The following CCNT2 variants were observed in gnomAD, a reference collection of about 807,000 sequenced individuals.
CCNT2 encodes cyclin T2.
A neutral mutation model predicts 70.0 loss-of-function variants in CCNT2; 18 were observed. The ratio of observed to expected loss-of-function variants is 0.26; its 90% CI spans 0.18 to 0.38. The LOEUF (loss-of-function observed/expected upper bound fraction) is 0.38, where lower values mean the gene tolerates loss of function less well. Among genes scored for constraint, CCNT2 ranks in the 10% least tolerant of loss-of-function variants. The probability of loss-of-function intolerance (pLI) is 1.00; values close to 1 mark genes in which losing one functional copy is unlikely to be tolerated. For missense variants in CCNT2, 734 were observed against 890.2 expected (o/e 0.82, Z 2.23); for synonymous variants, 334 against 313.3 (o/e 1.07, Z -0.70).
In CCNT2 at chr2:134,921,542, G is replaced by C. The variant is rs1410430416; in HGVS notation, c.240+1651G>C. 5.3e-5 allele frequency among the ~76,000 whole-genome samples: 8 copies of C among 152,034 alleles called. No homozygotes were observed. The East Asian group carries it at 1.4e-3, about 26-fold the overall frequency. On this transcript the variant is annotated intron_variant, in intron 2 of 8. Coordinates refer to ENST00000264157, the MANE Select transcript of CCNT2 (RefSeq NM_058241.3). ...CTAATTTTTGTATTTTTAGTAGAGAGGGGGTTTCACCATGTTGGCCAGGCC... is the reference window on the plus strand; with the variant it reads ...CTAATTTTTGTATTTTTAGTAGAGACGGGGTTTCACCATGTTGGCCAGGCC...
At chr2:134,920,622 T>C (rs1679829680) in intron 2 of CCNT2, among the ~76,000 whole-genome samples, 1 of 152,240 alleles carries the variant, frequency 6.6e-6, no homozygotes, top group Non-Finnish European at 1.5e-5. Context: ...GTAACACGCA[T>C]ACTGTGTTGT....
intron 2 of CCNT2, among the ~76,000 whole-genome samples, chr2:134,936,020 A>G (rs1294361913): frequency 6.6e-6 from 1 of 152,032 alleles, no homozygotes; most frequent in African/African-American, 2.4e-5. Flanking sequence ...TAGTGAAGGT[A>G]TCTTCACTAT....
chr2:134,942,584 T>C lies in CCNT2; in HGVS notation c.431-28T>C, dbSNP rs373226455. On this transcript the variant is annotated intron_variant, in intron 4 of 8. Transcript: ENST00000264157. The stretch of plus-strand genomic sequence containing the variant: ...AGGCAAGTACTGTAGTGGTAAGAGA[T>C]TGGAAAAAAAAGTGCTTATCATTTC... The C allele has an allele frequency of 3.2e-6, 5 of 1,585,864 alleles. No individual in the cohort carries two copies. The African/African-American group carries it at 4.0e-5, about 13-fold the overall frequency.
chr2:134,953,750 A>T lies in CCNT2; in HGVS notation c.1295A>T (p.Gln432Leu). 6.2e-7 allele frequency: 1 copy of T among 1,614,156 alleles called. No homozygotes were observed. Among genetic ancestry groups the T allele is most frequent in the East Asian group, 2.2e-5 (1 of 44,890 alleles). ...TCCACTACTCCAGGAATAATTCCTC[A>T]GAAAATGTCTTTAGATAAATATAGA... The part of the protein sequence containing the change: ...PISTTPGIIP[Q>L]KMSLDKYREK... Residue 432 changes from glutamine to leucine, a missense_variant, in exon 9 of 9, where the codon CAG (glutamine) becomes CTG (leucine). Physicochemically the swap from Gln to Leu is moderately radical, Grantham distance 113 (BLOSUM62 -2). Coordinates refer to ENST00000264157, the MANE Select transcript of CCNT2 (RefSeq NM_058241.3).
intron 2 of CCNT2, among the ~76,000 whole-genome samples, chr2:134,933,557 A>G (rs900915575): frequency 6.6e-6 from 1 of 152,148 alleles, no homozygotes; most frequent in African/African-American, 2.4e-5. Flanking sequence ...AGGAATAAAA[A>G]AGAGAAGGAG....
intron 7 of CCNT2, among the ~76,000 whole-genome samples, chr2:134,951,872 C>A (rs184849596): frequency 1.3e-5 from 2 of 152,246 alleles, no homozygotes; most frequent in East Asian, 3.9e-4. Flanking sequence ...TTCTAGGATC[C>A]CATGTTCCAT....
At chr2:134,944,419 C>T (rs1056035108) in intron 5 of CCNT2, 36 of 966,656 alleles carry the variant, frequency 3.7e-5, no homozygotes, top group Non-Finnish European at 3.9e-5. Flanking sequence ...TTTCAGGTTA[C>T]TGTTGTGAAA....
chr2:134,919,928 T>A (rs770463519), intron 2 of CCNT2, 37 bp downstream of exon 2: 6 of 1,433,814 alleles, frequency 4.2e-6, no homozygotes, highest in Non-Finnish European at 5.9e-6. Context: ...GTCCGCAAAT[T>A]TGAGGGTAAA....
Position 134,958,856 on chromosome 2 carries a change from AT to A in CCNT2, c.*4210del, listed in dbSNP as rs1224454287. On this transcript the variant is annotated 3_prime_UTR_variant, in exon 9 of 9. Coordinates refer to ENST00000264157, the MANE Select transcript of CCNT2 (RefSeq NM_058241.3). ...TACTGTTACCTATTCTGCCTGACAG[AT>A]TGATTAAGTAGGTTGATAAGATCCA... is the stretch of plus-strand genomic sequence containing the variant. 2 of 152,140 alleles carry A rather than the reference AT, an allele frequency of 1.3e-5. No homozygotes were observed. The highest frequency in any genetic ancestry group is 4.8e-5 in the African/African-American group (2 of 41,382). 9.4% of individuals were successfully genotyped at this position (152,140 alleles called of 1,614,324 possible). A position where few individuals can be genotyped will look rare whatever the true frequency, so the allele number is the denominator to read the frequency against.
At chr2:134,942,769 G>T in intron 5 of CCNT2, 95 bp downstream of exon 5, 2 of 1,403,538 alleles carry the variant, frequency 1.4e-6, no homozygotes, top group Non-Finnish European at 1.9e-6. Flanking sequence ...CCTTTTGTTA[G>T]GTTTCATTAA....
At chr2:134,929,226 G>A (rs1410019772) in intron 2 of CCNT2, among the ~76,000 whole-genome samples, 1 of 152,122 alleles carries the variant, frequency 6.6e-6, no homozygotes, top group African/African-American at 2.4e-5. Flanking sequence ...TGGTTAAGAT[G>A]CATATTGTTT....
chr2:134,929,449 T>A (rs928638900), intron 2 of CCNT2, among the ~76,000 whole-genome samples: 4 of 150,116 alleles, frequency 2.7e-5, no homozygotes, highest in African/African-American at 4.9e-5. Flanking sequence ...AAAATTAATT[T>A]AAAAAAAAAT....
chr2:134,942,857 A>G, intron 5 of CCNT2, 183 bp downstream of exon 5: 4 of 1,383,992 alleles, frequency 2.9e-6, no homozygotes, highest in Non-Finnish European at 3.7e-6. Flanking sequence ...TCTACCTGGT[A>G]TGTTAGCTTC....
At position 134,948,504 on chromosome 2, in the gene CCNT2, C is replaced by G. The variant is rs181236902; in HGVS notation, c.703+605C>G. 5.3e-5 allele frequency among the ~76,000 whole-genome samples: 8 copies of G among 152,222 alleles called. No individual in the cohort carries two copies. In the East Asian group the frequency reaches 1.2e-3, roughly 22 times the overall value. On this transcript the variant is annotated intron_variant, in intron 7 of 8. Coordinates refer to ENST00000264157, the MANE Select transcript of CCNT2 (RefSeq NM_058241.3). ...TTTTCAGGGGATTGTGTTTCTTGCT[C>G]TGTATTACCATTGTTGCCTTACATT...
At position 134,919,958 on chromosome 2, in the gene CCNT2, T is replaced by C. The variant is rs946949776; in HGVS notation, c.240+67T>C. ...GGTAAATCGATACGCAGAAAAAAAG[T>C]TGGTCATTGCGTTGTTGGATTTAGT... On this transcript the variant is annotated intron_variant, in intron 2 of 8. Transcript: ENST00000264157. 18 of 1,072,510 alleles carry C rather than the reference T, an allele frequency of 1.7e-5. No individual in the cohort carries two copies. In the African/African-American group the frequency reaches 2.2e-4, roughly 13 times the overall value. 66.4% of individuals were successfully genotyped at this position (1,072,510 alleles called of 1,614,324 possible).
At chr2:134,949,701 G>T (rs1682292744) in intron 7 of CCNT2, among the ~76,000 whole-genome samples, 1 of 150,868 alleles carries the variant, frequency 6.6e-6, no homozygotes, top group Admixed American at 6.7e-5. Context: ...AAAACTCAGT[G>T]AGGGCTTATC....
chr2:134,938,118 G>T (rs988182250), intron 3 of CCNT2, among the ~76,000 whole-genome samples: 6 of 152,188 alleles, frequency 3.9e-5, no homozygotes, highest in Middle Eastern at 6.8e-3. Flanking sequence ...ATAATAGGTT[G>T]TCATTATTTA....
chr2:134,933,501 T>TGGAGAAGGAAGGGAGTCAGATCAA (rs1680928928), intron 2 of CCNT2, among the ~76,000 whole-genome samples: 1 of 149,890 alleles, frequency 6.7e-6, no homozygotes, highest in Admixed American at 6.7e-5. Flanking sequence ...GGAGAAAAAA[T>TGGAGAAGGAAGGGAGTCAGATCAA]GGAGAAGGAA....
Position 134,956,527 on chromosome 2 carries a change from T to A in CCNT2, c.*1879T>A, listed in dbSNP as rs1035181422. On this transcript the variant is annotated 3_prime_UTR_variant, in exon 9 of 9. Coordinates refer to ENST00000264157, the MANE Select transcript of CCNT2 (RefSeq NM_058241.3). ...GTTATACTTTTACAGTGGTACATAA[T>A]CCAAGGACTAGTATAGAATTAAGCT... 3.3e-5 allele frequency: 5 copies of A among 152,570 alleles called. No homozygotes were observed. Among genetic ancestry groups the A allele is most frequent in the Non-Finnish European group, 5.9e-5 (4 of 67,992 alleles). The allele number at this position is 152,570 out of a possible 1,614,324, so 9.5% of individuals were successfully genotyped here. A position where few individuals can be genotyped will look rare whatever the true frequency, so the allele number is the denominator to read the frequency against.
Sources: gnomAD v4.1 joint callset for allele counts (sites outside exome capture counted in the v4.1 genomes callset) on GRCh38, gnomAD v4.1.1 for gene constraint, MANE v1.5 for transcripts, NCBI Gene and HGNC (gene_info 2026-07-23, HGNC 2026-07-21) for gene names.